The following ANKRD30A variants were observed in gnomAD, a reference collection of about 807,000 sequenced individuals.
ANKRD30A encodes the protein ankyrin repeat domain 30A, also known as ankyrin repeat domain-containing protein 30A.
ANKRD30A carries 170 observed loss-of-function variants against 166.3 expected under a neutral mutation model. The ratio of observed to expected loss-of-function variants is 1.02; its 90% CI spans 0.90 to 1.16. The LOEUF (loss-of-function observed/expected upper bound fraction) is 1.16. Ranked by LOEUF, ANKRD30A falls within the 50% of genes most tolerant of loss-of-function variation. The pLI is 0.00. For synonymous variants in ANKRD30A, 564 were observed against 508.9 expected, an observed-to-expected ratio of 1.11 and a Z score of -1.46; for missense variants, 1,630 against 1,518.0, an observed-to-expected ratio of 1.07 and a Z score of -1.23.
chr10:37,239,859 A>T, the ANKRD30A span, among the ~76,000 whole-genome samples: 9 of 152,268 alleles, frequency 5.9e-5, no homozygotes, highest in South Asian at 4.1e-4. Context: ...AAAGGGCACA[A>T]TTCTGTAAGT....
At chr10:37,134,583 T>G (rs183524381) in intron 5 of ANKRD30A, among the ~76,000 whole-genome samples, 98 of 152,306 alleles carry the variant, frequency 6.4e-4, no homozygotes, top group African/African-American at 2.2e-3. Flanking sequence ...TATGTAGATT[T>G]CAAAGTTATT....
At chr10:37,219,990 T>C in intron 34 of ANKRD30A, 93 bp downstream of exon 34, 1 of 4,014 alleles carries the variant, frequency 2.5e-4, no homozygotes, top group Non-Finnish European at 8.9e-4. Context: ...TCTAGTTGAA[T>C]ATATATATAT....
At chr10:37,238,965 T>C in the ANKRD30A span, among the ~76,000 whole-genome samples, 1 of 152,084 alleles carries the variant, frequency 6.6e-6, no homozygotes, top group Non-Finnish European at 1.5e-5. Flanking sequence ...TGGGAAAACA[T>C]GTTTGTCCGA....
intron 6 of ANKRD30A, among the ~76,000 whole-genome samples, chr10:37,139,011 G>C (rs1836917924): frequency 6.6e-6 from 1 of 152,222 alleles, no homozygotes; most frequent in African/African-American, 2.4e-5. Context: ...AAGCCCATCA[G>C]ACTAACAGCT....
chr10:37,195,768 T>C (rs549451784), intron 27 of ANKRD30A, among the ~76,000 whole-genome samples: 278 of 152,154 alleles, frequency 1.8e-3, no homozygotes, highest in Non-Finnish European at 3.0e-3. Flanking sequence ...GTGGCACGCA[T>C]TTCTAATAAT....
In ANKRD30A at chr10:37,166,427, G is replaced by C. The variant is rs534607812; in HGVS notation, c.2065-178G>C. Among the ~76,000 whole-genome samples, 8 of 151,922 alleles carry C rather than the reference G, an allele frequency of 5.3e-5. No individual in the cohort carries two copies. The East Asian group carries it at 1.4e-3, about 26-fold the overall frequency. ...GTAAAGATGAGCTTGATGTAGAGAG[G>C]GTTATGTGAGGTTTTCTATCAAAAT... is the stretch of plus-strand genomic sequence containing the variant. On this transcript the variant is annotated intron_variant, in intron 18 of 35. Transcript: ENST00000361713.
chr10:37,157,524 C>A (rs1296902395), intron 13 of ANKRD30A, among the ~76,000 whole-genome samples: 1 of 152,132 alleles, frequency 6.6e-6, no homozygotes, highest in African/African-American at 2.4e-5. Flanking sequence ...TACCACCATA[C>A]CTGGCTGATT....
At chr10:37,223,073 A>G (rs1159154404) in intron 34 of ANKRD30A, among the ~76,000 whole-genome samples, 1 of 151,406 alleles carries the variant, frequency 6.6e-6, no homozygotes, top group Non-Finnish European at 1.5e-5. Flanking sequence ...CTAATAGAGG[A>G]CAATTGTTCT....
At chr10:37,211,134 T>C (rs991020097) in intron 31 of ANKRD30A, among the ~76,000 whole-genome samples, 1 of 151,812 alleles carries the variant, frequency 6.6e-6, no homozygotes, top group South Asian at 2.1e-4. Flanking sequence ...TCTTTTTTTT[T>C]ATCTAGAATT....
At chr10:37,171,421 A>G (rs1393256907) in intron 21 of ANKRD30A, among the ~76,000 whole-genome samples, 1 of 149,690 alleles carries the variant, frequency 6.7e-6, no homozygotes, top group Non-Finnish European at 1.5e-5. Flanking sequence ...TCCAATACGC[A>G]TTACAACTGT....
At chr10:37,223,650 GGTT>G in intron 34 of ANKRD30A, among the ~76,000 whole-genome samples, 1 of 151,254 alleles carries the variant, frequency 6.6e-6, no homozygotes, top group East Asian at 2.0e-4. Flanking sequence ...AATCATTTTG[GGTT>G]GTTTTTTAAA....
At chr10:37,231,732 T>G in intron 35 of ANKRD30A, 52 bp downstream of exon 35, 1 of 268,674 alleles carries the variant, frequency 3.7e-6, no homozygotes, top group East Asian at 6.2e-5. Context: ...GATGCAATTC[T>G]TGTTTTTAAG....
intron 27 of ANKRD30A, among the ~76,000 whole-genome samples, chr10:37,196,095 T>TTA (rs893372160): frequency 7.3e-6 from 1 of 137,688 alleles, no homozygotes; most frequent in Non-Finnish European, 1.6e-5. Context: ...TATTTTCTAT[T>TTA]TTTTTTTTTT....
the ANKRD30A span, among the ~76,000 whole-genome samples, chr10:37,242,370 TC>T: frequency 1.3e-5 from 2 of 152,218 alleles, no homozygotes; most frequent in Non-Finnish European, 2.9e-5. Context: ...AGATTTTATT[TC>T]TAATGGTGGT....
chr10:37,142,354 G>A, intron 7 of ANKRD30A, 64 bp downstream of exon 7: 1 of 1,440,504 alleles, frequency 6.9e-7, no homozygotes. Context: ...TGAAAAAAGT[G>A]TGATATGGGA....
chr10:37,150,680 CTG>C (rs1837862124), intron 11 of ANKRD30A, among the ~76,000 whole-genome samples: 1 of 151,954 alleles, frequency 6.6e-6, no homozygotes, highest in Non-Finnish European at 1.5e-5. Flanking sequence ...ACACAATTAA[CTG>C]TGTTTTTTAA....
chr10:37,191,618 A>G (rs1375726137), intron 25 of ANKRD30A, among the ~76,000 whole-genome samples: 2 of 152,120 alleles, frequency 1.3e-5, no homozygotes, highest in South Asian at 2.1e-4. Context: ...TGCAAAAATC[A>G]TATATAAATG....
intron 31 of ANKRD30A, 35 bp downstream of exon 31, chr10:37,201,360 C>T (rs1485384803): frequency 1.4e-6 from 2 of 1,447,582 alleles, no homozygotes; most frequent in African/African-American, 1.5e-5. Context: ...GGTCATTTGA[C>T]CAAGTATTTC....
chr10:37,247,642 C>T, the ANKRD30A span, among the ~76,000 whole-genome samples: 13 of 150,580 alleles, frequency 8.6e-5, no homozygotes, highest in African/African-American at 2.2e-4. Context: ...GAGGCCGAGG[C>T]GGGCAGATCA....
Sources: allele counts gnomAD v4.1 joint callset (sites outside exome capture counted in the v4.1 genomes callset), GRCh38; gene constraint gnomAD v4.1.1; transcripts MANE v1.5; gene names NCBI Gene and HGNC (gene_info 2026-07-23, HGNC 2026-07-21).